ALG8: variants seen among roughly 807,000 people sequenced by gnomAD.
ALG8 encodes dolichyl pyrophosphate Glc1Man9GlcNAc2 alpha-1,3-glucosyltransferase.
ALG8 carries 48 observed loss-of-function variants against 70.2 expected under a neutral mutation model. The ratio of observed to expected loss-of-function variants is 0.68; its 90% CI spans 0.54 to 0.87. The LOEUF is 0.87. ALG8 is among the 40% of genes least tolerant of loss of function. The probability of loss-of-function intolerance (pLI) is 0.00; values close to 1 mark genes in which losing one functional copy is unlikely to be tolerated. For missense variants in ALG8, 572 were observed against 608.7 expected (o/e 0.94, Z 0.64); for synonymous variants, 234 against 229.0 (o/e 1.02, Z -0.20).
intron 10 of ALG8, 101 bp downstream of exon 10, chr11:78,106,706 T>C (rs1366277157): frequency 4.0e-6 from 6 of 1,502,930 alleles, no homozygotes; most frequent in Admixed American, 3.4e-5. Context: ...ATCTTTGTTT[T>C]TGCCTATCCT....
In ALG8 at chr11:78,127,442, C is replaced by T. The variant is rs199911532; in HGVS notation, c.96-6G>A. On this transcript the variant is annotated splice_region_variant and splice_polypyrimidine_tract_variant and intron_variant, in intron 1 of 12. Coordinates refer to ENST00000299626, the MANE Select transcript of ALG8 (RefSeq NM_024079.5). ...CTTCAAAATCTGTGGAATGGCTACT[C>T]AAAACAATTAGATAAATAAAATGAG... The T allele has an allele frequency of 4.0e-5, 65 of 1,611,524 alleles. No homozygotes were observed. The highest frequency in any genetic ancestry group is 5.3e-5 in the Non-Finnish European group (62 of 1,177,970).
chr11:78,134,971 T>C (rs1215181340), intron 1 of ALG8, among the ~76,000 whole-genome samples: 3 of 152,234 alleles, frequency 2.0e-5, no homozygotes, highest in Non-Finnish European at 4.4e-5. Context: ...TAGAATGGTT[T>C]CAATTTACTT....
At chr11:78,113,855 T>C in intron 7 of ALG8, 31 bp downstream of exon 7, 2 of 1,363,804 alleles carry the variant, frequency 1.5e-6, no homozygotes, top group Non-Finnish European at 2.0e-6. Context: ...AGAACATGTA[T>C]TAATTGAAAA....
intron 1 of ALG8, among the ~76,000 whole-genome samples, chr11:78,130,167 C>A (rs978218652): frequency 6.6e-6 from 1 of 151,936 alleles, no homozygotes; most frequent in Admixed American, 6.6e-5. Flanking sequence ...GCCTGGGTAA[C>A]AATGAGACCC....
At chr11:78,132,833 ATTTTTTTT>A (rs55934753) in intron 1 of ALG8, among the ~76,000 whole-genome samples, 1 of 113,942 alleles carries the variant, frequency 8.8e-6, no homozygotes, top group African/African-American at 3.4e-5. Flanking sequence ...TTCTTCTTCC[ATTTTTTTT>A]TTTTTTTTTT....
At chr11:78,138,786 C>G (rs1861664644) in intron 1 of ALG8, 2 of 456,308 alleles carry the variant, frequency 4.4e-6, no homozygotes, top group Non-Finnish European at 8.8e-6. Flanking sequence ...ATTTTTTACA[C>G]AGCAGTCTAA....
Position 78,139,603 on chromosome 11 carries a change from A to G in ALG8, c.-15T>C, listed in dbSNP as rs1310152465. On this transcript the variant is annotated 5_prime_UTR_variant, in exon 1 of 13. Coordinates refer to ENST00000299626, the MANE Select transcript of ALG8 (RefSeq NM_024079.5). ...AGCGCCGCCATTGCTGCGGCACCGC[A>G]CGCTTCCCACCAACTTGATCCACAT... 1.9e-6 allele frequency: 3 copies of G among 1,551,770 alleles called. No individual in the cohort carries two copies. The highest frequency in any genetic ancestry group is 1.7e-6 in the Non-Finnish European group (2 of 1,147,052).
intron 4 of ALG8, among the ~76,000 whole-genome samples, chr11:78,120,243 T>C (rs1281534290): frequency 6.6e-6 from 1 of 152,186 alleles, no homozygotes; most frequent in Admixed American, 6.5e-5. Context: ...TTTCCTACCT[T>C]TTCTACCTTA....
chr11:78,116,857 G>A (rs1355192361), intron 5 of ALG8, among the ~76,000 whole-genome samples: 8 of 152,134 alleles, frequency 5.3e-5, no homozygotes, highest in Non-Finnish European at 7.3e-5. Flanking sequence ...CATCAGGTGC[G>A]GTCTAGAATT....
In ALG8 at chr11:78,130,361, A is replaced by AAAAAAAAAAAGAAAAGAAAAGAAAG. The variant is rs928560857; in HGVS notation, c.96-2926_96-2925insCTTTCTTTTCTTTTCTTTTTTTTTT. 1.1e-3 allele frequency among the ~76,000 whole-genome samples: 140 copies of AAAAAAAAAAAGAAAAGAAAAGAAAG among 132,660 alleles called. 5 individuals are homozygous for AAAAAAAAAAAGAAAAGAAAAGAAAG. The highest frequency in any genetic ancestry group is 3.4e-3 in the African/African-American group (107 of 31,670). The allele number at this position is 132,660 out of a possible 152,430, so 87.0% of individuals were successfully genotyped here. A position where few individuals can be genotyped will look rare whatever the true frequency, so the allele number is the denominator to read the frequency against. On this transcript the variant is annotated intron_variant, in intron 1 of 12. Transcript: ENST00000299626. ...AAGACCCGGTCTCAAAAAAAAAAAAAAAAAAAGGTGAGAATATCAATACCT... is the reference window on the plus strand; with the variant it reads ...AAGACCCGGTCTCAAAAAAAAAAAAAAAAAAAAAAAGAAAAGAAAAGAAAGAAAAAAGGTGAGAATATCAATACCT...
chr11:78,108,483 G>A (rs976962100), intron 9 of ALG8, among the ~76,000 whole-genome samples: 8 of 152,118 alleles, frequency 5.3e-5, no homozygotes, highest in Admixed American at 2.6e-4. Flanking sequence ...GTTCTGGGAT[G>A]TACAGTCTAA....
chr11:78,138,273 C>T (rs920819450), intron 1 of ALG8, among the ~76,000 whole-genome samples: 18 of 150,058 alleles, frequency 1.2e-4, no homozygotes, highest in African/African-American at 2.5e-4. Context: ...CGTTTGAACC[C>T]GGGAGGCAGA....
intron 1 of ALG8, among the ~76,000 whole-genome samples, chr11:78,138,210 G>A (rs562080646): frequency 1.3e-5 from 2 of 152,100 alleles, no homozygotes; most frequent in South Asian, 2.1e-4. Flanking sequence ...TTAGCCTGGC[G>A]CGGTGGTGCA....
At chr11:78,112,536 G>T in intron 8 of ALG8, 114 bp downstream of exon 8, 1 of 1,497,312 alleles carries the variant, frequency 6.7e-7, no homozygotes, top group South Asian at 1.1e-5. Context: ...TGAAATGCAG[G>T]ACTGGAGAAC....
At chr11:78,138,351 C>CAA (rs11382468) in intron 1 of ALG8, among the ~76,000 whole-genome samples, 54 of 134,730 alleles carry the variant, frequency 4.0e-4, no homozygotes, top group African/African-American at 7.5e-4. Context: ...GAGACTGTCT[C>CAA]AAAAAAAAAA....
chr11:78,111,645 TACAC>T (rs201727835), intron 8 of ALG8, among the ~76,000 whole-genome samples: 1 of 148,186 alleles, frequency 6.7e-6, no homozygotes, highest in Non-Finnish European at 1.5e-5. Context: ...CAGACACACA[TACAC>T]ACACACACAC....
chr11:78,104,952 A>G (rs1389878408), intron 10 of ALG8, among the ~76,000 whole-genome samples: 1 of 151,000 alleles, frequency 6.6e-6, no homozygotes, highest in African/African-American at 2.4e-5. Context: ...CAACAGAGCG[A>G]GACTCTGTCT....
rs1860965255 is a variant in ALG8 at position 78,124,277 on chromosome 11, G to A, written c.175-63C>T. 7.1e-6 allele frequency: 11 copies of A among 1,549,886 alleles called. 1 individual carries two copies. In the South Asian group the frequency reaches 8.9e-5, roughly 13 times the overall value. On this transcript the variant is annotated intron_variant, in intron 2 of 12. Transcript: ENST00000299626. ...ACTGAATAAACAAAGATGGTGCAACGATTTAAAATTTTTCATTCTCTGGTC... is the reference window on the plus strand; with the variant it reads ...ACTGAATAAACAAAGATGGTGCAACAATTTAAAATTTTTCATTCTCTGGTC...
At position 78,101,043 on chromosome 11, in the gene ALG8, AC is replaced by A; in HGVS notation, c.1501del (p.Val501Ter). Reference protein sequence around the residue: ...PLLLTSVYCAVGITYAWFKLY... With the variant: ...PLLLTSVYCAXGITYAWFKLY... ...TTTGAACCAAGCATATGTGATGCCT[AC>A]TGCACAATACACTGAGGTTAGTAAC... On this transcript the variant is annotated frameshift_variant, in exon 13 of 13. Coordinates refer to ENST00000299626, the MANE Select transcript of ALG8 (RefSeq NM_024079.5). LOFTEE classifies it high-confidence loss of function. The A allele has an allele frequency of 6.2e-7, 1 of 1,614,248 alleles. No homozygotes were observed. Among genetic ancestry groups the A allele is most frequent in the Non-Finnish European group, 8.5e-7 (1 of 1,180,042 alleles).
Sources: gnomAD v4.1 joint callset for allele counts (sites outside exome capture counted in the v4.1 genomes callset) on GRCh38, gnomAD v4.1.1 for gene constraint, MANE v1.5 for transcripts, NCBI Gene and HGNC (gene_info 2026-07-23, HGNC 2026-07-21) for gene names.